SYT1: variants seen among roughly 807,000 people sequenced by gnomAD.
SYT1 encodes synaptotagmin-1.
A neutral mutation model predicts 44.8 loss-of-function variants in SYT1; 8 were observed. The observed-to-expected ratio is 0.18, with a 90% CI of 0.10 to 0.32. The LOEUF is 0.32. Ranked by LOEUF, SYT1 falls within the 10% of genes least tolerant of loss-of-function variation. The probability of loss-of-function intolerance (pLI) is 1.00; values close to 1 mark genes in which losing one functional copy is unlikely to be tolerated. For synonymous variants in SYT1, 154 were observed against 188.8 expected (o/e 0.82, Z 1.51); for missense variants, 286 against 509.3 (o/e 0.56, Z 4.22).
chr12:79,399,804 C>A (rs1055624850), intron 9 of SYT1, among the ~76,000 whole-genome samples: 6 of 152,140 alleles, frequency 3.9e-5, no homozygotes, highest in Non-Finnish European at 5.9e-5. Flanking sequence ...TCTAACAAGT[C>A]CCCAGCTGAT....
At chr12:79,357,734 A>G (rs150452289) in intron 9 of SYT1, among the ~76,000 whole-genome samples, 25 of 152,300 alleles carry the variant, frequency 1.6e-4, no homozygotes, top group African/African-American at 6.0e-4. Context: ...GTGCTGTAGA[A>G]CATGTGTAGG....
At chr12:79,238,591 A>C (rs1014903580) in intron 4 of SYT1, among the ~76,000 whole-genome samples, 1 of 152,206 alleles carries the variant, frequency 6.6e-6, no homozygotes, top group Non-Finnish European at 1.5e-5. Flanking sequence ...CAGCTCATGC[A>C]CTTAACAAGA....
intron 2 of SYT1, among the ~76,000 whole-genome samples, chr12:79,041,362 A>G (rs1234409459): frequency 2.6e-5 from 4 of 152,054 alleles, no homozygotes; most frequent in African/African-American, 7.2e-5. Context: ...TTGGATTCCT[A>G]GGTATTTTAT....
At chr12:79,005,836 G>C (rs1006527252) in intron 2 of SYT1, among the ~76,000 whole-genome samples, 2 of 152,016 alleles carry the variant, frequency 1.3e-5, no homozygotes, top group African/African-American at 4.8e-5. Flanking sequence ...AGGTATATAT[G>C]TCATGAGGGC....
chr12:79,319,757 A>G (rs1881265993), intron 8 of SYT1, among the ~76,000 whole-genome samples: 1 of 152,160 alleles, frequency 6.6e-6, no homozygotes, highest in African/African-American at 2.4e-5. Flanking sequence ...TATAAAATTC[A>G]CATGCTTCTG....
chr12:78,910,726 G>C (rs761831157), intron 1 of SYT1, among the ~76,000 whole-genome samples: 1 of 151,910 alleles, frequency 6.6e-6, no homozygotes, highest in African/African-American at 2.4e-5. Context: ...CTACAGAAGA[G>C]GGTAAAATAT....
chr12:79,227,421 G>C (rs1037153797), intron 4 of SYT1, among the ~76,000 whole-genome samples: 1 of 152,118 alleles, frequency 6.6e-6, no homozygotes, highest in East Asian at 1.9e-4. Flanking sequence ...CTGAATAGCT[G>C]TGATTAAGGC....
chr12:79,243,806 G>C (rs927039314), intron 4 of SYT1, among the ~76,000 whole-genome samples: 33 of 151,880 alleles, frequency 2.2e-4, no homozygotes, highest in African/African-American at 2.4e-5. Flanking sequence ...AGTAAGGAAG[G>C]AGGAAAGGAG....
rs529485491 is a variant in SYT1 at position 79,139,040 on chromosome 12, T to C, written c.-17-78463T>C. On this transcript the variant is annotated intron_variant, in intron 3 of 10. Transcript: ENST00000261205. ...GCATTTCCTTCGCCTCAGCCTCCAGTGTGGCTTAGCCCAGCTCTGCTTTCA... is the reference window on the plus strand; with the variant it reads ...GCATTTCCTTCGCCTCAGCCTCCAGCGTGGCTTAGCCCAGCTCTGCTTTCA... 1.1e-3 allele frequency among the ~76,000 whole-genome samples: 174 copies of C among 152,330 alleles called. 2 individuals are homozygous for C. The highest frequency in any genetic ancestry group is 6.8e-3 in the Middle Eastern group (2 of 294).
intron 1 of SYT1, among the ~76,000 whole-genome samples, chr12:78,976,037 T>A (rs1321562873): frequency 6.6e-6 from 1 of 152,230 alleles, no homozygotes; most frequent in East Asian, 1.9e-4. Flanking sequence ...ATGTTTTCTG[T>A]GTTTTTTAGA....
chr12:79,432,294 T>C (rs1165311796), intron 9 of SYT1, among the ~76,000 whole-genome samples: 2 of 151,946 alleles, frequency 1.3e-5, no homozygotes, highest in Non-Finnish European at 2.9e-5. Context: ...ACATGTGCCA[T>C]GTTGGTTTGC....
chr12:79,400,109 A>C (rs1460411828), intron 9 of SYT1, among the ~76,000 whole-genome samples: 2 of 152,200 alleles, frequency 1.3e-5, no homozygotes, highest in African/African-American at 4.8e-5. Context: ...TTTTTCTCCA[A>C]GAATACACAA....
intron 3 of SYT1, among the ~76,000 whole-genome samples, chr12:79,099,109 T>C (rs1033192743): frequency 3.3e-5 from 5 of 152,136 alleles, no homozygotes; most frequent in African/African-American, 1.2e-4. Context: ...ATCTTGGCAA[T>C]GACAAACCTA....
intron 4 of SYT1, among the ~76,000 whole-genome samples, chr12:79,224,292 T>C (rs944113884): frequency 3.3e-5 from 5 of 152,202 alleles, no homozygotes; most frequent in African/African-American, 1.2e-4. Context: ...ACAGAGCTTA[T>C]ATTCTAGTGA....
chr12:79,042,034 T>C (rs1873621831), intron 2 of SYT1, among the ~76,000 whole-genome samples: 1 of 150,690 alleles, frequency 6.6e-6, no homozygotes. Flanking sequence ...TGCCAGTATT[T>C]TATTGAGGAT....
chr12:79,277,543 G>C (rs914589732), intron 4 of SYT1, among the ~76,000 whole-genome samples: 3 of 152,044 alleles, frequency 2.0e-5, no homozygotes, highest in Admixed American at 1.3e-4. Flanking sequence ...GCAAAAGGTT[G>C]ATATTCACCA....
Position 78,909,538 on chromosome 12 carries a change from T to C in SYT1, c.-217+44429T>C, listed in dbSNP as rs150187627. ...CCCTTCTATCCAGAGAGAATTGTTA[T>C]AGAAACCATTCTAACCAGACTTATT... On this transcript the variant is annotated intron_variant, in intron 1 of 10. Transcript: ENST00000261205. Among the ~76,000 whole-genome samples the C allele has an allele frequency of 2.4e-3, 360 of 152,050 alleles. 1 individual carries two copies. Among genetic ancestry groups the C allele is most frequent in the Non-Finnish European group, 4.2e-3 (283 of 67,912 alleles).
chr12:79,382,835 T>A (rs1341907954), intron 9 of SYT1, among the ~76,000 whole-genome samples: 4 of 152,194 alleles, frequency 2.6e-5, no homozygotes, highest in Non-Finnish European at 5.9e-5. Flanking sequence ...CAGTCCCCAC[T>A]TTGAATTACT....
chr12:78,923,594 G>C (rs371962878), intron 1 of SYT1, among the ~76,000 whole-genome samples: 3 of 151,890 alleles, frequency 2.0e-5, no homozygotes, highest in Admixed American at 6.6e-5. Context: ...GATTTCAGAC[G>C]TTCAGAATAG....
Sources: gnomAD v4.1 joint callset for allele counts (sites outside exome capture counted in the v4.1 genomes callset) on GRCh38, gnomAD v4.1.1 for gene constraint, MANE v1.5 for transcripts, NCBI Gene and HGNC (gene_info 2026-07-23, HGNC 2026-07-21) for gene names.